EXOC6B: variants seen among roughly 807,000 people sequenced by gnomAD.
EXOC6B encodes exocyst complex component 6B, also known as SEC15 homolog B.
In EXOC6B, 54 loss-of-function variants were observed where a neutral mutation model predicts 113.5. The ratio of observed to expected loss-of-function variants is 0.48; its 90% CI spans 0.38 to 0.60. The LOEUF (loss-of-function observed/expected upper bound fraction) is 0.60, where lower values mean the gene tolerates loss of function less well. EXOC6B is among the 20% of genes least tolerant of loss of function. The probability of loss-of-function intolerance (pLI) is 0.00; values close to 1 mark genes in which losing one functional copy is unlikely to be tolerated. For missense variants in EXOC6B, 797 were observed against 977.5 expected (o/e 0.82, Z 2.46); for synonymous variants, 357 against 339.0 (o/e 1.05, Z -0.58).
At chr2:72,705,042 C>T (rs1465525927) in intron 6 of EXOC6B, among the ~76,000 whole-genome samples, 1 of 151,710 alleles carries the variant, frequency 6.6e-6, no homozygotes, top group Non-Finnish European at 1.5e-5. Context: ...GAATTTTAGA[C>T]CAATATCCTT....
intron 6 of EXOC6B, among the ~76,000 whole-genome samples, chr2:72,687,632 T>C (rs1228867703): frequency 6.6e-6 from 1 of 152,068 alleles, no homozygotes; most frequent in Non-Finnish European, 1.5e-5. Context: ...TAACACTGGG[T>C]ATCTCTGGAA....
chr2:72,411,476 C>A (rs1446383908), intron 18 of EXOC6B, among the ~76,000 whole-genome samples: 2 of 152,156 alleles, frequency 1.3e-5, no homozygotes, highest in East Asian at 3.9e-4. Flanking sequence ...AACTAGACTC[C>A]AGCATATAGA....
intron 8 of EXOC6B, among the ~76,000 whole-genome samples, chr2:72,523,247 G>A (rs1166796233): frequency 2.0e-5 from 3 of 152,100 alleles, no homozygotes; most frequent in Admixed American, 6.5e-5. Flanking sequence ...AGAAAGAAAC[G>A]GCCAGATGAA....
chr2:72,285,971 C>A (rs772137313), intron 20 of EXOC6B, among the ~76,000 whole-genome samples: 2 of 152,086 alleles, frequency 1.3e-5, no homozygotes, highest in African/African-American at 2.4e-5. Flanking sequence ...TGGCCAAAAT[C>A]CAGGACACTG....
At chr2:72,526,597 A>G (rs1701755956) in intron 8 of EXOC6B, among the ~76,000 whole-genome samples, 1 of 151,958 alleles carries the variant, frequency 6.6e-6, no homozygotes, top group Non-Finnish European at 1.5e-5. Flanking sequence ...CGTATAAATA[A>G]TCTATTCCTT....
Position 72,499,894 on chromosome 2 carries a change from C to G in EXOC6B, c.1239+7G>C. 6.5e-7 allele frequency: 1 copy of G among 1,541,074 alleles called. No homozygotes were observed. Among genetic ancestry groups the G allele is most frequent in the Non-Finnish European group, 8.8e-7 (1 of 1,136,808 alleles). On this transcript the variant is annotated splice_region_variant and intron_variant, in intron 12 of 21. Transcript: ENST00000272427. Reference sequence around the variant, plus strand: ...TAGATGAGCATATGTAAACAGAAATCACATACCTGAAGTGTGTCAGCAAAA... The same window carrying G: ...TAGATGAGCATATGTAAACAGAAATGACATACCTGAAGTGTGTCAGCAAAA...
intron 1 of EXOC6B, among the ~76,000 whole-genome samples, chr2:72,824,625 G>A (rs1686788641): frequency 6.6e-6 from 1 of 152,122 alleles, no homozygotes; most frequent in African/African-American, 2.4e-5. Flanking sequence ...CGCAAGCAGT[G>A]AGTAATAACT....
At chr2:72,460,515 AAAAC>A (rs1319626916) in intron 18 of EXOC6B, among the ~76,000 whole-genome samples, 3 of 152,096 alleles carry the variant, frequency 2.0e-5, no homozygotes, top group Non-Finnish European at 4.4e-5. Flanking sequence ...TTACAAGAAA[AAAAC>A]AAACAACCCC....
chr2:72,515,212 G>GA, intron 8 of EXOC6B, 86 bp from the exon 9 acceptor site: 1 of 1,251,978 alleles, frequency 8.0e-7, no homozygotes, highest in Non-Finnish European at 1.1e-6. Flanking sequence ...CCCAGGTCTG[G>GA]AATTTGAGGT....
At chr2:72,361,771 A>G (rs1370127826) in intron 19 of EXOC6B, among the ~76,000 whole-genome samples, 1 of 152,192 alleles carries the variant, frequency 6.6e-6, no homozygotes, top group Non-Finnish European at 1.5e-5. Flanking sequence ...GAGGAGAGTC[A>G]GCTATATCAC....
chr2:72,312,414 A>G (rs1411812429), intron 20 of EXOC6B, among the ~76,000 whole-genome samples: 1 of 152,068 alleles, frequency 6.6e-6, no homozygotes, highest in Non-Finnish European at 1.5e-5. Flanking sequence ...TAAGCTGAGG[A>G]TCATTAGTAA....
chr2:72,671,807 G>GAAAA (rs370111927), intron 6 of EXOC6B, among the ~76,000 whole-genome samples: 1 of 117,116 alleles, frequency 8.5e-6, no homozygotes, highest in African/African-American at 3.0e-5. Flanking sequence ...AAGAAAGAAA[G>GAAAA]AAAGAAAGAA....
chr2:72,478,147 T>C (rs982021127), intron 17 of EXOC6B, among the ~76,000 whole-genome samples: 14 of 152,162 alleles, frequency 9.2e-5, no homozygotes, highest in African/African-American at 3.4e-4. Flanking sequence ...ACTTTTTCTG[T>C]CTCTCCCCAA....
chr2:72,692,113 C>T (rs1677528929), intron 6 of EXOC6B, among the ~76,000 whole-genome samples: 1 of 151,988 alleles, frequency 6.6e-6, no homozygotes, highest in Non-Finnish European at 1.5e-5. Context: ...TAATCTTTCA[C>T]ACATAGAATA....
At chr2:72,808,778 T>C (rs930427222) in intron 1 of EXOC6B, among the ~76,000 whole-genome samples, 2 of 151,870 alleles carry the variant, frequency 1.3e-5, no homozygotes, top group Admixed American at 6.6e-5. Context: ...CGAGATCCTA[T>C]CTCAAAAAAC....
In EXOC6B at chr2:72,189,860, C is replaced by CTTTTTTTTTTTTTTT. The variant is rs57679690; in HGVS notation, c.2197-5688_2197-5674dup. The stretch of plus-strand genomic sequence containing the variant: ...TCTCTCTCTCTTTCTCCTTCTTCTT[C>CTTTTTTTTTTTTTTT]TTTTTTTTTTTTTTTTTTTTGAGGC... On this transcript the variant is annotated intron_variant, in intron 20 of 21. Transcript: ENST00000272427. Among the ~76,000 whole-genome samples the CTTTTTTTTTTTTTTT allele has an allele frequency of 1.3e-3, 112 of 87,206 alleles. 10 individuals carry two copies. The highest frequency in any genetic ancestry group is 3.8e-3 in the African/African-American group (58 of 15,346). 57.2% of individuals were successfully genotyped at this position (87,206 alleles called of 152,430 possible). A position where few individuals can be genotyped will look rare whatever the true frequency, so the allele number is the denominator to read the frequency against.
At chr2:72,766,364 T>C (rs6720889) in intron 1 of EXOC6B, among the ~76,000 whole-genome samples, 20,365 of 152,130 alleles carry the variant, frequency 0.13, 1,637 homozygotes, top group African/African-American at 0.22. Flanking sequence ...TTAATGTCTA[T>C]TCAGTCCAAA....
At chr2:72,767,440 T>A (rs1458018889) in intron 1 of EXOC6B, among the ~76,000 whole-genome samples, 3 of 151,710 alleles carry the variant, frequency 2.0e-5, no homozygotes, top group Admixed American at 2.0e-4. Context: ...CAAATATATA[T>A]TATAATATAT....
rs528547794 is a variant in EXOC6B at position 72,736,575 on chromosome 2, G to T, written c.280-3457C>A. ...GCCTCCAGTTCAAGTATTCCTGCTG[G>T]GGCATCCTCAGCAAGTTGAAGGAAT... On this transcript the variant is annotated intron_variant, in intron 2 of 21. Coordinates refer to ENST00000272427, the MANE Select transcript of EXOC6B (RefSeq NM_015189.3). 7.0e-4 allele frequency among the ~76,000 whole-genome samples: 107 copies of T among 152,194 alleles called. 1 individual carries two copies. Among genetic ancestry groups the T allele is most frequent in the African/African-American group, 2.1e-3 (89 of 41,542 alleles).
Sources: gnomAD v4.1 joint callset for allele counts (sites outside exome capture counted in the v4.1 genomes callset) on GRCh38, gnomAD v4.1.1 for gene constraint, MANE v1.5 for transcripts, NCBI Gene and HGNC (gene_info 2026-07-23, HGNC 2026-07-21) for gene names.